DIS3L2: variants seen among roughly 807,000 people sequenced by gnomAD.
DIS3L2 encodes DIS3 like 3'-5' exoribonuclease 2, also known as DIS3-like exonuclease 2.
DIS3L2 carries 34 observed loss-of-function variants against 97.5 expected under a neutral mutation model. That is an observed-to-expected ratio of 0.35 (90% confidence interval 0.27 to 0.46). The LOEUF (loss-of-function observed/expected upper bound fraction) is 0.46. Ranked by LOEUF, DIS3L2 falls within the 20% of genes least tolerant of loss-of-function variation. DIS3L2 has a pLI of 1.00. For missense variants in DIS3L2, 1,038 were observed against 1,146.0 expected (o/e 0.91, Z 1.36); for synonymous variants, 435 against 445.2 (o/e 0.98, Z 0.29).
chr2:232,118,868 A>C (rs1697808507), intron 6 of DIS3L2, among the ~76,000 whole-genome samples: 1 of 152,224 alleles, frequency 6.6e-6, no homozygotes, highest in African/African-American at 2.4e-5. Context: ...GTTTCTGAGT[A>C]GTGCATTGTT....
Position 232,015,671 on chromosome 2 carries a change from G to C in DIS3L2, c.210G>C (p.Gln70His), listed in dbSNP as rs1236280328. Residue 70 changes from glutamine to histidine, a missense_variant and splice_region_variant, in exon 3 of 21, where the codon CAG becomes CAC. Coordinates refer to ENST00000325385, the MANE Select transcript of DIS3L2 (RefSeq NM_152383.5). ...SEGLKRGTLI[Q>H]GVLRINPKKF... ...GCTTGAAGAGAGGAACACTCATCCA[G>C]GTGCTTAAAATCTACTGGAAGGCTA... 3.7e-6 allele frequency: 6 copies of C among 1,613,282 alleles called. No individual in the cohort carries two copies. The highest frequency in any genetic ancestry group is 1.7e-6 in the Non-Finnish European group (2 of 1,179,706).
At chr2:232,284,003 T>C (rs747438026) in intron 13 of DIS3L2, among the ~76,000 whole-genome samples, 2 of 152,198 alleles carry the variant, frequency 1.3e-5, no homozygotes, top group African/African-American at 2.4e-5. Context: ...ACGTGGAACC[T>C]TTCTATACTA....
At chr2:232,337,314 C>T (rs867081496), downstream of DIS3L2, 113 of 431,072 alleles carry the variant, frequency 2.6e-4, 1 homozygote, top group African/African-American at 2.3e-3. Flanking sequence ...AGTCATGGGT[C>T]CTGTGATACC....
intron 7 of DIS3L2, among the ~76,000 whole-genome samples, chr2:232,134,686 G>C (rs1167038820): frequency 6.6e-6 from 1 of 152,124 alleles, no homozygotes; most frequent in Non-Finnish European, 1.5e-5. Context: ...TTAGCCAGGC[G>C]TGGTGACTGG....
At chr2:232,013,258 C>A (rs1353863365) in intron 1 of DIS3L2, among the ~76,000 whole-genome samples, 1 of 152,228 alleles carries the variant, frequency 6.6e-6, no homozygotes, top group African/African-American at 2.4e-5. Context: ...CCAGATGACT[C>A]TGAGTCCTGT....
intron 1 of DIS3L2, among the ~76,000 whole-genome samples, chr2:231,967,406 C>T (rs768727647): frequency 5.0e-4 from 76 of 152,144 alleles, no homozygotes; most frequent in Non-Finnish European, 9.8e-4. Flanking sequence ...AGAGAAGCCC[C>T]AAACATTTCT....
intron 12 of DIS3L2, among the ~76,000 whole-genome samples, chr2:232,258,696 G>A (rs190840069): frequency 4.0e-5 from 6 of 150,738 alleles, no homozygotes; most frequent in Non-Finnish European, 5.9e-5. Flanking sequence ...TACTTTTTCC[G>A]TGAAAAACTC....
chr2:232,116,827 CAAAA>C (rs968184479), intron 6 of DIS3L2, among the ~76,000 whole-genome samples: 24 of 63,694 alleles, frequency 3.8e-4, no homozygotes, highest in African/African-American at 2.2e-3. Flanking sequence ...AAAAAACAAA[CAAAA>C]AGAACAACAA....
chr2:232,254,802 G>C (rs994782822), intron 12 of DIS3L2, among the ~76,000 whole-genome samples: 7 of 152,212 alleles, frequency 4.6e-5, no homozygotes, highest in African/African-American at 1.7e-4. Flanking sequence ...CTAGAGAGCA[G>C]GTGTGAAGTA....
At chr2:231,976,424 G>A (rs749404965) in intron 1 of DIS3L2, among the ~76,000 whole-genome samples, 2 of 152,004 alleles carry the variant, frequency 1.3e-5, no homozygotes, top group Non-Finnish European at 2.9e-5. Context: ...GAGCTCAGGA[G>A]TTCGAGACCA....
intron 9 of DIS3L2, among the ~76,000 whole-genome samples, chr2:232,174,537 G>C (rs553201923): frequency 7.3e-6 from 1 of 136,520 alleles, no homozygotes; most frequent in African/African-American, 2.9e-5. Context: ...AGTGAGCAGA[G>C]ATCACGCCAC....
At chr2:232,146,629 C>G (rs1472322164) in intron 8 of DIS3L2, among the ~76,000 whole-genome samples, 1 of 152,134 alleles carries the variant, frequency 6.6e-6, no homozygotes, top group Admixed American at 6.5e-5. Flanking sequence ...GAGACCCTGT[C>G]TGCCAACAAT....
intron 14 of DIS3L2, among the ~76,000 whole-genome samples, chr2:232,316,299 T>C (rs939777430): frequency 2.6e-5 from 4 of 152,140 alleles, no homozygotes; most frequent in Non-Finnish European, 4.4e-5. Flanking sequence ...AAAACCTTGT[T>C]CCTTACGATT....
intron 12 of DIS3L2, among the ~76,000 whole-genome samples, chr2:232,254,188 A>G (rs1305338242): frequency 1.3e-5 from 2 of 152,182 alleles, no homozygotes; most frequent in African/African-American, 2.4e-5. Context: ...ATTTTCCTGA[A>G]TTGGGATCAA....
chr2:232,148,770 TTTA>T (rs1452449257), intron 8 of DIS3L2, among the ~76,000 whole-genome samples: 5 of 146,152 alleles, frequency 3.4e-5, no homozygotes, highest in African/African-American at 1.3e-4. Flanking sequence ...TTTTTTTTTT[TTTA>T]CACAGCCTTC....
chr2:232,301,065 A>G (rs1694843439), intron 14 of DIS3L2, among the ~76,000 whole-genome samples: 1 of 152,164 alleles, frequency 6.6e-6, no homozygotes, highest in Non-Finnish European at 1.5e-5. Flanking sequence ...GACAGCGGCT[A>G]CCATTGAGCA....
intron 9 of DIS3L2, among the ~76,000 whole-genome samples, chr2:232,174,191 A>G (rs1309702310): frequency 6.6e-6 from 1 of 152,206 alleles, no homozygotes; most frequent in Non-Finnish European, 1.5e-5. Context: ...GCTGTTGTAA[A>G]TGAAATTGTT....
intron 1 of DIS3L2, among the ~76,000 whole-genome samples, chr2:231,968,536 G>A (rs1692795727): frequency 6.6e-6 from 1 of 152,290 alleles, no homozygotes; most frequent in East Asian, 1.9e-4. Context: ...AAGTGTATTA[G>A]TAGCTGATTC....
chr2:232,024,280 G>C lies in DIS3L2; in HGVS notation c.214G>C (p.Val72Leu). Residue 72 changes from valine (V) to leucine (L), a missense_variant, in exon 4 of 21, where the codon GTA (valine) becomes CTA (leucine). By Grantham distance (32) the Val-to-Leu change is conservative (BLOSUM62 1). Transcript: ENST00000325385. ...AACTTTATTTTTTGTTTTAAAGGGTGTATTGAGAATTAATCCAAAGAAGTT... is the reference window on the plus strand; with the variant it reads ...AACTTTATTTTTTGTTTTAAAGGGTCTATTGAGAATTAATCCAAAGAAGTT... Reference protein sequence around the residue: ...GLKRGTLIQGVLRINPKKFHE... With the variant: ...GLKRGTLIQGLLRINPKKFHE... 6.3e-7 allele frequency: 1 copy of C among 1,598,864 alleles called. No homozygotes were observed. Among genetic ancestry groups the C allele is most frequent in the East Asian group, 2.2e-5 (1 of 44,588 alleles).
Sources: allele counts gnomAD v4.1 joint callset (sites outside exome capture counted in the v4.1 genomes callset), GRCh38; gene constraint gnomAD v4.1.1; transcripts MANE v1.5; gene names NCBI Gene and HGNC (gene_info 2026-07-23, HGNC 2026-07-21).